SIPA1L2: variants seen among roughly 807,000 people sequenced by gnomAD.
SIPA1L2 encodes signal induced proliferation associated 1 like 2.
In SIPA1L2, 56 loss-of-function variants were observed where a neutral mutation model predicts 163.9. That is an observed-to-expected ratio of 0.34 (90% CI 0.28 to 0.43). The LOEUF (loss-of-function observed/expected upper bound fraction) is 0.43, where lower values mean the gene tolerates loss of function less well. Ranked by LOEUF, SIPA1L2 falls within the 20% of genes least tolerant of loss-of-function variation. The probability of loss-of-function intolerance (pLI) is 1.00; values close to 1 mark genes in which losing one functional copy is unlikely to be tolerated. For synonymous variants in SIPA1L2, 877 were observed against 865.7 expected (o/e 1.01, Z -0.23); for missense variants, 1,974 against 2,193.5 (o/e 0.90, Z 2.00).
chr1:232,417,857 G>T (rs1572866399), intron 18 of SIPA1L2, among the ~76,000 whole-genome samples: 1 of 152,158 alleles, frequency 6.6e-6, no homozygotes, highest in African/African-American at 2.4e-5. Flanking sequence ...TCGGGAAACG[G>T]TGCAAGAGCG....
chr1:232,617,368 G>C (rs1338621851), intron 1 of SIPA1L2, among the ~76,000 whole-genome samples: 1 of 152,198 alleles, frequency 6.6e-6, no homozygotes, highest in African/African-American at 2.4e-5. Flanking sequence ...CCCCTGTAAG[G>C]AAAAGGGAAG....
chr1:232,563,573 A>C (rs1466003034), intron 2 of SIPA1L2, among the ~76,000 whole-genome samples: 1 of 152,192 alleles, frequency 6.6e-6, no homozygotes, highest in Non-Finnish European at 1.5e-5. Flanking sequence ...CCTTACACTG[A>C]AGTTCTCAAC....
At chr1:232,542,787 T>TC (rs1279633241) in intron 2 of SIPA1L2, among the ~76,000 whole-genome samples, 4 of 152,206 alleles carry the variant, frequency 2.6e-5, no homozygotes, top group Non-Finnish European at 5.9e-5. Context: ...GTAGTCTGGG[T>TC]CTTCCCACTT....
intron 1 of SIPA1L2, among the ~76,000 whole-genome samples, chr1:232,595,547 C>T (rs1296101524): frequency 6.6e-6 from 1 of 152,066 alleles, no homozygotes; most frequent in East Asian, 1.9e-4. Flanking sequence ...GGGGTCCGGA[C>T]GTTCCCCCCA....
At chr1:232,585,921 T>C (rs1474062143) in intron 1 of SIPA1L2, among the ~76,000 whole-genome samples, 4 of 152,010 alleles carry the variant, frequency 2.6e-5, no homozygotes, top group Non-Finnish European at 5.9e-5. Context: ...GGAAAAACCA[T>C]GATGAGCAAG....
chr1:232,428,313 T>G, intron 17 of SIPA1L2, 98 bp downstream of exon 17: 6 of 1,066,918 alleles, frequency 5.6e-6, no homozygotes, highest in Middle Eastern at 3.3e-4. Flanking sequence ...AGATGAAGCA[T>G]GTGGGAGTAC....
At chr1:232,480,191 G>GT (rs561168074) in intron 6 of SIPA1L2, among the ~76,000 whole-genome samples, 2 of 84,258 alleles carry the variant, frequency 2.4e-5, no homozygotes, top group Non-Finnish European at 5.2e-5. Flanking sequence ...GTGTGTGTGT[G>GT]TTTTTACAGT....
intron 16 of SIPA1L2, among the ~76,000 whole-genome samples, chr1:232,429,776 G>A (rs113230563): frequency 1.3e-5 from 2 of 152,112 alleles, no homozygotes; most frequent in African/African-American, 4.8e-5. Flanking sequence ...TAGTTTTTAC[G>A]AAGACTGCAT....
At chr1:232,538,316 AG>A (rs1027851012) in intron 2 of SIPA1L2, among the ~76,000 whole-genome samples, 1 of 152,164 alleles carries the variant, frequency 6.6e-6, no homozygotes, top group Non-Finnish European at 1.5e-5. Context: ...CAGATGAGGA[AG>A]GTCTCCTAAC....
chr1:232,426,869 T>G (rs146325980), intron 17 of SIPA1L2, among the ~76,000 whole-genome samples: 95 of 152,340 alleles, frequency 6.2e-4, no homozygotes, highest in African/African-American at 2.0e-3. Flanking sequence ...TTCCTTTGCA[T>G]ACTGAACCAC....
intron 19 of SIPA1L2, among the ~76,000 whole-genome samples, chr1:232,410,447 T>C (rs1422740171): frequency 6.6e-6 from 1 of 152,118 alleles, no homozygotes; most frequent in Non-Finnish European, 1.5e-5. Context: ...CTCATACTAA[T>C]ATTAAAGACT....
In SIPA1L2 at chr1:232,603,135, G is replaced by A. The variant is rs147113261; in HGVS notation, c.-319+26734C>T. 2.2e-3 allele frequency among the ~76,000 whole-genome samples: 329 copies of A among 152,290 alleles called. 1 individual carries two copies. The highest frequency in any genetic ancestry group is 7.7e-3 in the African/African-American group (318 of 41,564). ...GAGGACAACAAGCTTCGTCTAACTG[G>A]GCGTCCTATGTTGACAGTGACAGCA... On this transcript the variant is annotated intron_variant, in intron 1 of 22. Transcript: ENST00000674635.
intron 1 of SIPA1L2, among the ~76,000 whole-genome samples, chr1:232,602,676 G>GT (rs1661667074): frequency 6.6e-6 from 1 of 152,190 alleles, no homozygotes; most frequent in East Asian, 1.9e-4. Context: ...CTAGATGACT[G>GT]TTTCCACGCA....
intron 19 of SIPA1L2, among the ~76,000 whole-genome samples, chr1:232,405,640 TA>T: frequency 6.6e-6 from 1 of 152,288 alleles, no homozygotes; most frequent in South Asian, 2.1e-4. Context: ...CATCACATTT[TA>T]AAAAATCTTT....
At chr1:232,496,136 C>A (rs147939037) in intron 3 of SIPA1L2, among the ~76,000 whole-genome samples, 1 of 152,308 alleles carries the variant, frequency 6.6e-6, no homozygotes, top group African/African-American at 2.4e-5. Flanking sequence ...TTTAGTCAGT[C>A]CTGCAAGCTC....
chr1:232,628,054 TATAA>T (rs1663175171), intron 1 of SIPA1L2, among the ~76,000 whole-genome samples: 1 of 152,248 alleles, frequency 6.6e-6, no homozygotes, highest in African/African-American at 2.4e-5. Context: ...TTACTCAGCG[TATAA>T]ATAAGTTTGC....
intron 2 of SIPA1L2, among the ~76,000 whole-genome samples, chr1:232,550,073 C>G (rs1278801586): frequency 6.6e-6 from 1 of 152,166 alleles, no homozygotes; most frequent in African/African-American, 2.4e-5. Flanking sequence ...CAGAATTTTT[C>G]TAAACTGTAA....
intron 2 of SIPA1L2, among the ~76,000 whole-genome samples, chr1:232,570,286 T>G (rs1329537820): frequency 6.6e-6 from 1 of 152,230 alleles, no homozygotes; most frequent in Admixed American, 6.5e-5. Context: ...TTAAGATGGT[T>G]AAGTGAACAA....
chr1:232,587,894 ACTCTT>A (rs1660754729), intron 1 of SIPA1L2, among the ~76,000 whole-genome samples: 2 of 151,206 alleles, frequency 1.3e-5, no homozygotes, highest in African/African-American at 4.9e-5. Context: ...CTTGGCTCTC[ACTCTT>A]CTCTTATCTG....
Sources: allele counts gnomAD v4.1 joint callset (sites outside exome capture counted in the v4.1 genomes callset), GRCh38; gene constraint gnomAD v4.1.1; transcripts MANE v1.5; gene names NCBI Gene and HGNC (gene_info 2026-07-23, HGNC 2026-07-21).